Variants in FAT3 observed in about 807,000 individuals in gnomAD.
The protein encoded by FAT3 is FAT atypical cadherin 3, also known as protocadherin Fat 3.
In FAT3, 95 loss-of-function variants were observed where a neutral mutation model predicts 310.2. The ratio of observed to expected loss-of-function variants is 0.31; its 90% CI spans 0.26 to 0.36. The LOEUF is 0.36. Ranked by LOEUF, FAT3 falls within the 10% of genes least tolerant of loss-of-function variation. The pLI is 1.00. For missense variants in FAT3, 5,408 were observed against 5,715.6 expected, an observed-to-expected ratio of 0.95 and a Z score of 1.74; for synonymous variants, 2,314 against 2,192.9, an observed-to-expected ratio of 1.06 and a Z score of -1.54.
At chr11:92,753,045 C>A (rs773406073) in intron 4 of FAT3, among the ~76,000 whole-genome samples, 2 of 152,152 alleles carry the variant, frequency 1.3e-5, no homozygotes, top group African/African-American at 2.4e-5. Context: ...AAAACATAGC[C>A]TCCCAAATTA....
chr11:92,553,841 T>C (rs766688401), intron 3 of FAT3, among the ~76,000 whole-genome samples: 13 of 151,726 alleles, frequency 8.6e-5, no homozygotes, highest in Non-Finnish European at 1.3e-4. Flanking sequence ...GTATCACTCT[T>C]GTTGCCCAGG....
intron 3 of FAT3, among the ~76,000 whole-genome samples, chr11:92,622,210 G>C (rs909369117): frequency 6.6e-6 from 1 of 151,836 alleles, no homozygotes; most frequent in Non-Finnish European, 1.5e-5. Flanking sequence ...CTTGAATCTA[G>C]GAAATGAAGG....
intron 3 of FAT3, among the ~76,000 whole-genome samples, chr11:92,558,414 G>A (rs1014581808): frequency 2.6e-5 from 4 of 151,974 alleles, no homozygotes; most frequent in African/African-American, 9.7e-5. Flanking sequence ...GTGTGTGTGT[G>A]TGTGTGTGTA....
At chr11:92,375,611 A>T (rs1949320820) in intron 2 of FAT3, among the ~76,000 whole-genome samples, 1 of 152,170 alleles carries the variant, frequency 6.6e-6, no homozygotes, top group Non-Finnish European at 1.5e-5. Flanking sequence ...ATTTTGTTCA[A>T]GGCTGTCTTG....
At chr11:92,885,745 C>T (rs765609998) in intron 24 of FAT3, among the ~76,000 whole-genome samples, 13 of 152,162 alleles carry the variant, frequency 8.5e-5, no homozygotes, top group Non-Finnish European at 1.8e-4. Flanking sequence ...ACTTCATTCA[C>T]CAGAGTGGAT....
intron 3 of FAT3, among the ~76,000 whole-genome samples, chr11:92,653,573 G>A (rs374717743): frequency 6.6e-6 from 1 of 152,120 alleles, no homozygotes; most frequent in African/African-American, 2.4e-5. Flanking sequence ...ATATTCTGGG[G>A]ACACCCAGAA....
rs117144267 is a variant in FAT3 at position 92,844,551 on chromosome 11, C to T, written c.11184C>T (p.His3728=). 9.0e-4 allele frequency: 1,447 copies of T among 1,613,998 alleles called. 24 individuals are homozygous for T. The East Asian group carries it at 0.028, about 31-fold the overall frequency. ...LIQKLSNARR[H]LENIMRISAI... ...AGAAGCTGTCCAATGCTAGAAGACA[C>T]CTGGAGAATATCATGCGCATCTCAG... The change falls in exon 19 of 28, where the codon CAC becomes CAT. Residue 3728 remains histidine (H), a synonymous_variant. Coordinates refer to ENST00000525166, the MANE Select transcript of FAT3 (RefSeq NM_001367949.2).
chr11:92,832,020 A>T lies in FAT3; in HGVS notation c.9871+9A>T. On this transcript the variant is annotated intron_variant, in intron 14 of 27. Transcript: ENST00000525166. The stretch of plus-strand genomic sequence containing the variant: ...GATCAACCCCAAGACAGGTGGGTAA[A>T]TAGCACTGTACTTAGAATACAGAGC... 6.5e-7 allele frequency: 1 copy of T among 1,531,222 alleles called. No individual in the cohort carries two copies. The highest frequency in any genetic ancestry group is 1.2e-5 in the South Asian group (1 of 81,568). The allele number at this position is 1,531,222 out of a possible 1,614,324, so 94.9% of individuals were successfully genotyped here. A position where few individuals can be genotyped will look rare whatever the true frequency, so the allele number is the denominator to read the frequency against.
At chr11:92,468,481 G>C (rs115079181) in intron 2 of FAT3, among the ~76,000 whole-genome samples, 3 of 152,274 alleles carry the variant, frequency 2.0e-5, no homozygotes, top group African/African-American at 7.2e-5. Flanking sequence ...GCCAGGTGTA[G>C]TGTAATTCTT....
Position 92,550,226 on chromosome 11 carries a change from A to G in FAT3, c.3607+25278A>G, listed in dbSNP as rs192347615. 1.1e-4 allele frequency among the ~76,000 whole-genome samples: 17 copies of G among 152,286 alleles called. No individual in the cohort carries two copies. In the East Asian group the frequency reaches 3.3e-3, roughly 29 times the overall value. On this transcript the variant is annotated intron_variant, in intron 3 of 27. Transcript: ENST00000525166. ...TTGAGTTCCCCAAGCAAAATTTCCAAAAGGGGTCTTTTTTTCACATATATG... is the reference window on the plus strand; with the variant it reads ...TTGAGTTCCCCAAGCAAAATTTCCAGAAGGGGTCTTTTTTTCACATATATG...
intron 2 of FAT3, among the ~76,000 whole-genome samples, chr11:92,520,498 A>T (rs12577239): frequency 0.044 from 6,746 of 152,072 alleles, 184 homozygotes; most frequent in East Asian, 0.085. Context: ...CTCAATTTTT[A>T]AAAAAAGTAA....
chr11:92,605,719 GT>G lies in FAT3; in HGVS notation c.3607+80795del, dbSNP rs5793613. 1.3e-3 allele frequency among the ~76,000 whole-genome samples: 129 copies of G among 99,734 alleles called. 1 individual carries two copies. Among genetic ancestry groups the G allele is most frequent in the South Asian group, 0.01 (29 of 2,834 alleles). 65.4% of individuals were successfully genotyped at this position (99,734 alleles called of 152,430 possible). ...CAAGATAATGCAATAAAATAGCTAT[GT>G]TTTTTTTTTTTTTTTTTTTTTTTAC... is the stretch of plus-strand genomic sequence containing the variant. On this transcript the variant is annotated intron_variant, in intron 3 of 27. Coordinates refer to ENST00000525166, the MANE Select transcript of FAT3 (RefSeq NM_001367949.2).
At chr11:92,665,801 C>A (rs1168902500) in intron 3 of FAT3, among the ~76,000 whole-genome samples, 3 of 152,172 alleles carry the variant, frequency 2.0e-5, no homozygotes, top group Non-Finnish European at 4.4e-5. Flanking sequence ...CATGGTGTTA[C>A]AATGACAGTG....
chr11:92,887,245 G>C, intron 25 of FAT3, 132 bp downstream of exon 25: 1 of 744,564 alleles, frequency 1.3e-6, no homozygotes, highest in Non-Finnish European at 2.2e-6. Flanking sequence ...GTGTTCACCA[G>C]GTCCCTGGTT....
intron 3 of FAT3, among the ~76,000 whole-genome samples, chr11:92,544,750 T>G (rs1954564131): frequency 6.6e-6 from 1 of 152,176 alleles, no homozygotes; most frequent in Non-Finnish European, 1.5e-5. Flanking sequence ...CATTCTCCTC[T>G]GGGAACAGGG....
intron 27 of FAT3, 73 bp downstream of exon 27, chr11:92,889,964 T>A: frequency 1.4e-6 from 1 of 717,656 alleles, no homozygotes; most frequent in Non-Finnish European, 2.6e-6. Context: ...CTTACCCTGT[T>A]CCTGTGCCTC....
intron 13 of FAT3, among the ~76,000 whole-genome samples, chr11:92,811,985 C>T (rs1026367368): frequency 2.0e-5 from 3 of 152,162 alleles, no homozygotes; most frequent in African/African-American, 4.8e-5. Flanking sequence ...AGCATACTGA[C>T]GAAGTGGTTG....
At chr11:92,704,165 C>T (rs1010392632) in intron 4 of FAT3, among the ~76,000 whole-genome samples, 4 of 152,186 alleles carry the variant, frequency 2.6e-5, no homozygotes, top group Non-Finnish European at 5.9e-5. Context: ...CCTCAAGGAT[C>T]AGTCTCTATG....
At chr11:92,411,957 T>C (rs1434172550) in intron 2 of FAT3, among the ~76,000 whole-genome samples, 1 of 152,042 alleles carries the variant, frequency 6.6e-6, no homozygotes, top group African/African-American at 2.4e-5. Context: ...TCCAACCCTT[T>C]CATCATTTTC....
Sources: gnomAD v4.1 joint callset for allele counts (sites outside exome capture counted in the v4.1 genomes callset) on GRCh38, gnomAD v4.1.1 for gene constraint, MANE v1.5 for transcripts, NCBI Gene and HGNC (gene_info 2026-07-23, HGNC 2026-07-21) for gene names.